The following ADGRL3 variants were observed in gnomAD, a reference collection of about 807,000 sequenced individuals.
ADGRL3 encodes the protein calcium-independent alpha-latrotoxin receptor 3.
A neutral mutation model predicts 153.5 loss-of-function variants in ADGRL3; 62 were observed. That is an observed-to-expected ratio of 0.40 (90% CI 0.33 to 0.50). ADGRL3 has a LOEUF of 0.50. Among genes scored for constraint, ADGRL3 ranks in the 20% least tolerant of loss-of-function variants. The pLI is 0.47. For missense variants in ADGRL3, 1,641 were observed against 1,859.4 expected, an observed-to-expected ratio of 0.88 and a Z score of 2.16; for synonymous variants, 710 against 672.5, an observed-to-expected ratio of 1.06 and a Z score of -0.86.
rs112056049 is a variant in ADGRL3, at chr4:61,617,424, T to TA, written c.473+29992dup. ...GCACATTTCCTTAAGCATGGTAAAG[T>TA]AAAAAAAACTTGCTTACTCTAAGCC... On this transcript the variant is annotated intron_variant, in intron 5 of 26. Coordinates refer to ENST00000683033, the MANE Select transcript of ADGRL3 (RefSeq NM_001387552.1). 3.5e-3 allele frequency among the ~76,000 whole-genome samples: 531 copies of TA among 152,100 alleles called. 5 individuals carry two copies. The highest frequency in any genetic ancestry group is 9.5e-3 in the African/African-American group (395 of 41,506).
intron 1 of ADGRL3, among the ~76,000 whole-genome samples, chr4:61,328,879 G>C (rs919521088): frequency 6.6e-6 from 1 of 151,988 alleles, no homozygotes; most frequent in African/African-American, 2.4e-5. Context: ...GCTGAAAATT[G>C]ATCTCCATTC....
intron 2 of ADGRL3, among the ~76,000 whole-genome samples, chr4:61,433,015 A>T (rs932529274): frequency 2.6e-5 from 4 of 152,098 alleles, no homozygotes; most frequent in Admixed American, 6.5e-5. Flanking sequence ...TGCATAGAAC[A>T]GAGAAATAAA....
chr4:61,686,491 T>C (rs1212503155), intron 6 of ADGRL3, among the ~76,000 whole-genome samples: 2 of 152,128 alleles, frequency 1.3e-5, no homozygotes, highest in African/African-American at 4.8e-5. Flanking sequence ...CAAATACTTA[T>C]TTATTAAAAA....
At chr4:61,871,226 A>C (rs185845957) in intron 9 of ADGRL3, among the ~76,000 whole-genome samples, 98 of 151,912 alleles carry the variant, frequency 6.5e-4, no homozygotes, top group Admixed American at 1.0e-3. Flanking sequence ...TGCAGTGAGC[A>C]GAGATCGCAC....
chr4:61,591,796 G>A (rs774575288), intron 5 of ADGRL3, among the ~76,000 whole-genome samples: 4 of 151,892 alleles, frequency 2.6e-5, no homozygotes, highest in Non-Finnish European at 5.9e-5. Context: ...GAGAGAGAAG[G>A]CCAGGTGCTG....
At position 62,076,621 on chromosome 4, in the gene ADGRL3, A is replaced by C. The variant is rs1270038931; in HGVS notation, c.*5713A>C. ...GTTACAGATGTATTCCGAAAAGTAA[A>C]ATGGGAGTTTCCTATATTCTGATTT... is the stretch of plus-strand genomic sequence containing the variant. On this transcript the variant is annotated 3_prime_UTR_variant, in exon 27 of 27. Coordinates refer to ENST00000683033, the MANE Select transcript of ADGRL3 (RefSeq NM_001387552.1). 2 of 152,092 alleles carry C rather than the reference A, an allele frequency of 1.3e-5. No individual in the cohort carries two copies. The highest frequency in any genetic ancestry group is 4.8e-5 in the African/African-American group (2 of 41,456). 9.4% of individuals were successfully genotyped at this position (152,092 alleles called of 1,614,324 possible). A position where few individuals can be genotyped will look rare whatever the true frequency, so the allele number is the denominator to read the frequency against.
rs142666066 is a variant in ADGRL3, at chr4:61,232,789, G to A, written c.-240+31024G>A. 7.3e-3 allele frequency among the ~76,000 whole-genome samples: 1,111 copies of A among 152,252 alleles called. 12 individuals carry two copies. Among genetic ancestry groups the A allele is most frequent in the Middle Eastern group, 0.034 (10 of 292 alleles). On this transcript the variant is annotated intron_variant, in intron 1 of 26. Coordinates refer to ENST00000683033, the MANE Select transcript of ADGRL3 (RefSeq NM_001387552.1). ...AAATGTGCTTTAAGGTAATTATTAT[G>A]TAGGTAAAGACACTCACAATATGAT...
At chr4:61,950,863 TTA>T (rs1461379868) in intron 17 of ADGRL3, among the ~76,000 whole-genome samples, 1 of 152,186 alleles carries the variant, frequency 6.6e-6, no homozygotes, top group Non-Finnish European at 1.5e-5. Flanking sequence ...GCATGGGGGC[TTA>T]CAGTGAATTC....
intron 2 of ADGRL3, chr4:61,427,976 G>C (rs1486781719): frequency 6.5e-6 from 1 of 152,964 alleles, no homozygotes; most frequent in Non-Finnish European, 1.5e-5. Context: ...CATCACCCGT[G>C]TTTTCACCGG....
intron 5 of ADGRL3, among the ~76,000 whole-genome samples, chr4:61,591,263 A>G (rs1248911081): frequency 6.6e-6 from 1 of 152,178 alleles, no homozygotes; most frequent in African/African-American, 2.4e-5. Flanking sequence ...TGTATATACT[A>G]TATAATTCAC....
intron 9 of ADGRL3, among the ~76,000 whole-genome samples, chr4:61,864,718 A>G (rs1323178663): frequency 1.3e-5 from 2 of 152,192 alleles, no homozygotes; most frequent in Non-Finnish European, 2.9e-5. Flanking sequence ...CAAATCATGG[A>G]ATTTTCAACG....
chr4:61,857,133 T>C lies in ADGRL3; in HGVS notation c.1481-35523T>C, dbSNP rs1049514263. On this transcript the variant is annotated intron_variant, in intron 9 of 26. Transcript: ENST00000683033. ...CTTTTTTCAGACAGGTGTCTTGCTA[T>C]CTTACCCAGGCTGGTCTCAAACTCC... 2.0e-5 allele frequency among the ~76,000 whole-genome samples: 3 copies of C among 151,176 alleles called. No homozygotes were observed. The South Asian group carries it at 6.3e-4, about 32-fold the overall frequency.
At chr4:61,779,069 A>AC (rs2097184624) in intron 8 of ADGRL3, among the ~76,000 whole-genome samples, 1 of 152,090 alleles carries the variant, frequency 6.6e-6, no homozygotes, top group Non-Finnish European at 1.5e-5. Context: ...AAAAAAAAAA[A>AC]AATCACTTGT....
intron 17 of ADGRL3, among the ~76,000 whole-genome samples, chr4:61,950,151 T>G (rs2098941482): frequency 6.6e-6 from 1 of 152,196 alleles, no homozygotes; most frequent in Admixed American, 6.5e-5. Flanking sequence ...ATAACATGTA[T>G]TTTTAACCAT....
At chr4:61,386,551 A>T (rs973270520) in intron 2 of ADGRL3, among the ~76,000 whole-genome samples, 3 of 152,168 alleles carry the variant, frequency 2.0e-5, no homozygotes, top group Non-Finnish European at 4.4e-5. Flanking sequence ...CAATTTACAA[A>T]TTTTTACTAA....
intron 2 of ADGRL3, among the ~76,000 whole-genome samples, chr4:61,435,028 A>T (rs897523746): frequency 6.6e-6 from 1 of 152,118 alleles, no homozygotes; most frequent in Non-Finnish European, 1.5e-5. Context: ...CATAGAATTC[A>T]TAATTCCATT....
chr4:61,313,293 T>C (rs763914655), intron 1 of ADGRL3, among the ~76,000 whole-genome samples: 3 of 152,178 alleles, frequency 2.0e-5, no homozygotes, highest in Non-Finnish European at 4.4e-5. Context: ...GAGAGTACTC[T>C]ATATGGCACT....
chr4:61,737,086 C>T (rs1385691243), intron 8 of ADGRL3, among the ~76,000 whole-genome samples: 6 of 150,758 alleles, frequency 4.0e-5, no homozygotes, highest in Non-Finnish European at 7.4e-5. Flanking sequence ...TTTTTTTTCC[C>T]CAAAGAAATT....
chr4:61,535,464 G>A (rs1163279174), intron 4 of ADGRL3, among the ~76,000 whole-genome samples: 1 of 152,062 alleles, frequency 6.6e-6, no homozygotes, highest in Non-Finnish European at 1.5e-5. Flanking sequence ...ATGTGTTAAA[G>A]AGGAATACCT....
Sources: gnomAD v4.1 joint callset for allele counts (sites outside exome capture counted in the v4.1 genomes callset) on GRCh38, gnomAD v4.1.1 for gene constraint, MANE v1.5 for transcripts, NCBI Gene and HGNC (gene_info 2026-07-23, HGNC 2026-07-21) for gene names.